WNK1: variants seen among roughly 807,000 people sequenced by gnomAD.
WNK1 encodes the protein WNK lysine deficient protein kinase 1.
Under a neutral mutation model 222.8 loss-of-function variants are expected in WNK1, and 38 were observed. The observed-to-expected ratio is 0.17, with a 90% CI of 0.13 to 0.22. The LOEUF (loss-of-function observed/expected upper bound fraction) is 0.22. Among genes scored for constraint, WNK1 ranks in the 10% least tolerant of loss-of-function variants. WNK1 has a pLI of 1.00. For missense variants in WNK1, 2,348 were observed against 2,918.4 expected, an observed-to-expected ratio of 0.80 and a Z score of 4.50; for synonymous variants, 1,090 against 1,092.9, an observed-to-expected ratio of 1.00 and a Z score of 0.05.
At chr12:864,310 C>T (rs377072283) in intron 8 of WNK1, among the ~76,000 whole-genome samples, 18 of 151,856 alleles carry the variant, frequency 1.2e-4, no homozygotes, top group East Asian at 3.9e-4. Context: ...ACAGTTTCAC[C>T]GTGTTGGCTA....
chr12:865,226 CTCCT>C, intron 8 of WNK1: 1 of 1,536,118 alleles, frequency 6.5e-7, no homozygotes, highest in Non-Finnish European at 8.7e-7. Context: ...GCACCTCTTT[CTCCT>C]TCCCTCCTCC....
Position 908,923 on chromosome 12 carries a change from A to T in WNK1, c.*131A>T, listed in dbSNP as rs1955918951. 3 of 1,021,418 alleles carry T rather than the reference A, an allele frequency of 2.9e-6. No individual in the cohort carries two copies. The highest frequency in any genetic ancestry group is 5.2e-5 in the East Asian group (2 of 38,442). The allele number at this position is 1,021,418 out of a possible 1,614,324, so 63.3% of individuals were successfully genotyped here. On this transcript the variant is annotated 3_prime_UTR_variant, in exon 28 of 28. Coordinates refer to ENST00000315939, the MANE Select transcript of WNK1 (RefSeq NM_018979.4). Reference sequence around the variant, plus strand: ...ACTGGTTATTTCTTGCCAGAGGGGAATGTTTTTAATACTGCATTGAGCCCT... The same window carrying T: ...ACTGGTTATTTCTTGCCAGAGGGGATTGTTTTTAATACTGCATTGAGCCCT...
intron 1 of WNK1, among the ~76,000 whole-genome samples, chr12:798,128 C>G (rs1053454905): frequency 1.3e-5 from 2 of 151,756 alleles, no homozygotes; most frequent in Non-Finnish European, 2.9e-5. Flanking sequence ...TTTATACTTC[C>G]TTGTTCTGCT....
At chr12:894,486 G>A in intron 22 of WNK1, 76 bp from the exon 23 acceptor site, 1 of 1,277,156 alleles carries the variant, frequency 7.8e-7, no homozygotes, top group Non-Finnish European at 1.1e-6. Flanking sequence ...TGATTTTGCT[G>A]TATTTCTAGC....
At chr12:844,400 T>C (rs1331526597) in intron 4 of WNK1, among the ~76,000 whole-genome samples, 1 of 152,144 alleles carries the variant, frequency 6.6e-6, no homozygotes, top group Non-Finnish European at 1.5e-5. Flanking sequence ...CCTCCCAAAG[T>C]TCTGGGATTA....
intron 1 of WNK1, among the ~76,000 whole-genome samples, chr12:789,611 C>A (rs1944652441): frequency 6.7e-6 from 1 of 148,772 alleles, no homozygotes; most frequent in Non-Finnish European, 1.5e-5. Context: ...ATACTCACTG[C>A]AGCCTCAAAC....
At chr12:841,609 T>C (rs920745208) in intron 4 of WNK1, among the ~76,000 whole-genome samples, 9 of 152,240 alleles carry the variant, frequency 5.9e-5, no homozygotes, top group African/African-American at 2.2e-4. Flanking sequence ...AACAATGTTT[T>C]AGTCCATTTG....
At chr12:812,612 T>C (rs970268114) in intron 1 of WNK1, among the ~76,000 whole-genome samples, 12 of 152,182 alleles carry the variant, frequency 7.9e-5, no homozygotes, top group Non-Finnish European at 8.8e-5. Context: ...ACATTCCTTA[T>C]TGGGTACTTT....
Position 887,253 on chromosome 12 carries a change from T to C in WNK1, c.5313T>C (p.Gly1771=), listed in dbSNP as rs1438181061. The change falls in exon 20 of 28, where the codon GGT becomes GGC. Residue 1771 remains glycine, a synonymous_variant. Coordinates refer to ENST00000315939, the MANE Select transcript of WNK1 (RefSeq NM_018979.4). ...VLPVGTELPA[G]TLPSEQLPPF... The stretch of plus-strand genomic sequence containing the variant: ...CAGTGGGTACTGAACTTCCAGCAGG[T>C]ACTCTACCCAGCGAGCAGCTGCCAC... 2 of 1,614,188 alleles carry C rather than the reference T, an allele frequency of 1.2e-6. No individual in the cohort carries two copies. The highest frequency in any genetic ancestry group is 2.2e-5 in the East Asian group (1 of 44,880).
chr12:873,187 T>C (rs529252126), intron 9 of WNK1, among the ~76,000 whole-genome samples: 2 of 152,374 alleles, frequency 1.3e-5, no homozygotes, highest in African/African-American at 4.8e-5. Flanking sequence ...TTGTATGTGC[T>C]CTGTTTTTTC....
At chr12:818,892 C>T (rs1327085007) in intron 2 of WNK1, among the ~76,000 whole-genome samples, 1 of 152,172 alleles carries the variant, frequency 6.6e-6, no homozygotes, top group Non-Finnish European at 1.5e-5. Context: ...GGGCTGTATC[C>T]ACCTTTTGGC....
At chr12:801,461 G>T (rs1945867713) in intron 1 of WNK1, among the ~76,000 whole-genome samples, 2 of 141,110 alleles carry the variant, frequency 1.4e-5, no homozygotes, top group Admixed American at 1.4e-4. Flanking sequence ...GTGTGTGTGT[G>T]TGTAGTGGCA....
Position 754,146 on chromosome 12 carries a change from A to G in WNK1, c.581A>G (p.Gln194Arg). The G allele has an allele frequency of 1.2e-6, 2 of 1,612,882 alleles. No homozygotes were observed. The highest frequency in any genetic ancestry group is 1.7e-4 in the Middle Eastern group (1 of 6,000). ...GSGGGSAKEP[Q>R]EERSQQQDDI... The stretch of plus-strand genomic sequence containing the variant: ...GGCGGCGGCAGCGCCAAGGAGCCAC[A>G]GGAGGAACGGAGCCAGCAGCAGGAT... The change falls in exon 1 of 28, where the codon CAG becomes CGG. Residue 194 changes from glutamine (Q) to arginine (R), a missense_variant. Gln to Arg is a conservative substitution (Grantham distance 43). This residue lies in a region of WNK1 where 185 missense variants were observed against 159.2 expected (regional missense o/e 1.16). Transcript: ENST00000315939.
intron 9 of WNK1, among the ~76,000 whole-genome samples, chr12:877,052 ATTTTTTTTTTTTT>A (rs34011207): frequency 9.1e-5 from 7 of 77,132 alleles, no homozygotes; most frequent in Middle Eastern, 0.017. Context: ...CCTAAACTTC[ATTTTTTTTTTTTT>A]TTTTTTTTTT....
At chr12:757,604 G>A (rs1275309572) in intron 1 of WNK1, among the ~76,000 whole-genome samples, 1 of 152,072 alleles carries the variant, frequency 6.6e-6, no homozygotes, top group Non-Finnish European at 1.5e-5. Context: ...GGTTTTATTA[G>A]ACAAGTAGTG....
chr12:762,734 A>T (rs1941193344), intron 1 of WNK1, among the ~76,000 whole-genome samples: 1 of 146,234 alleles, frequency 6.8e-6, no homozygotes, highest in Non-Finnish European at 1.5e-5. Context: ...GATAATGGTT[A>T]TTTTTTTCTC....
intron 4 of WNK1, among the ~76,000 whole-genome samples, chr12:842,935 A>G (rs1242343625): frequency 1.3e-5 from 2 of 151,936 alleles, no homozygotes; most frequent in Non-Finnish European, 2.9e-5. Flanking sequence ...TTATTTATTT[A>G]TTTATTTATT....
Position 886,028 on chromosome 12 carries a change from A to G in WNK1, c.5224A>G (p.Thr1742Ala), listed in dbSNP as rs764599186. The G allele has an allele frequency of 5.6e-6, 9 of 1,598,686 alleles. No homozygotes were observed. Among genetic ancestry groups the G allele is most frequent in the Middle Eastern group, 3.4e-4 (2 of 5,956 alleles). The change falls in exon 19 of 28, where the codon ACA becomes GCA. Residue 1742 changes from threonine to alanine, a missense_variant. By Grantham distance (58) the Thr-to-Ala change is moderately conservative. This residue lies in a region of WNK1 where 1,144 missense variants were observed against 1,273.6 expected (regional missense o/e 0.90). Transcript: ENST00000315939. ...AGTTTCTACCCCAGTCAGCACTACT[A>G]CATCAGGAGTGAAACCTGGAACTGC... ...GQVSTPVSTT[T>A]SGVKPGTAPS...
In WNK1 at chr12:827,728, C is replaced by T. The variant is rs1213027790; in HGVS notation, c.1153+466C>T. ...ATTTTTAGTAGAAATGGGGTTTCACCGTGTTGGCCAGGCTGGTCTCGAACT... is the reference window on the plus strand; with the variant it reads ...ATTTTTAGTAGAAATGGGGTTTCACTGTGTTGGCCAGGCTGGTCTCGAACT... On this transcript the variant is annotated intron_variant, in intron 3 of 27. Coordinates refer to ENST00000315939, the MANE Select transcript of WNK1 (RefSeq NM_018979.4). The surrounding 1 kb of genome is among the most constrained non-coding windows in gnomAD (Gnocchi z 4.6). 1.3e-5 allele frequency among the ~76,000 whole-genome samples: 2 copies of T among 151,974 alleles called. No homozygotes were observed. The highest frequency in any genetic ancestry group is 2.4e-5 in the African/African-American group (1 of 41,400).
Sources: gnomAD v4.1 joint callset for allele counts (sites outside exome capture counted in the v4.1 genomes callset) on GRCh38, gnomAD v4.1.1 for gene constraint, gnomAD v4.1.1 regional missense constraint, Gnocchi (gnomAD v3.1) non-coding constraint, MANE v1.5 for transcripts, NCBI Gene and HGNC (gene_info 2026-07-23, HGNC 2026-07-21) for gene names.